Variants in ITPR1 observed in about 807,000 individuals in gnomAD.
ITPR1 encodes inositol 1,4,5-trisphosphate-gated calcium channel ITPR1.
Under a neutral mutation model 318.4 loss-of-function variants are expected in ITPR1, and 96 were observed. The ratio of observed to expected loss-of-function variants is 0.30; its 90% CI spans 0.26 to 0.36. The LOEUF is 0.36. ITPR1 is among the 10% of genes least tolerant of loss of function. ITPR1 has a pLI of 1.00. For synonymous variants in ITPR1, 1,312 were observed against 1,289.9 expected (o/e 1.02, Z -0.37); for missense variants, 2,440 against 3,460.2 (o/e 0.71, Z 7.40).
intron 4 of ITPR1, among the ~76,000 whole-genome samples, chr3:4,596,522 T>C (rs2090837336): frequency 6.6e-6 from 1 of 152,226 alleles, no homozygotes; most frequent in Non-Finnish European, 1.5e-5. Flanking sequence ...TCAAAAGGCT[T>C]AGCAACTGGT....
chr3:4,720,878 T>C (rs2042103430), intron 40 of ITPR1, among the ~76,000 whole-genome samples: 1 of 152,102 alleles, frequency 6.6e-6, no homozygotes, highest in Non-Finnish European at 1.5e-5. Flanking sequence ...AGGGTGGAGA[T>C]GTCCTACTTT....
intron 39 of ITPR1, among the ~76,000 whole-genome samples, chr3:4,713,000 AC>A (rs1282266764): frequency 1.3e-5 from 2 of 151,992 alleles, no homozygotes; most frequent in African/African-American, 4.8e-5. Context: ...GGAAGTGAAG[AC>A]CCCTGGCAAG....
intron 4 of ITPR1, among the ~76,000 whole-genome samples, chr3:4,525,289 C>G (rs2082889498): frequency 6.6e-6 from 1 of 152,100 alleles, no homozygotes; most frequent in African/African-American, 2.4e-5. Context: ...TAATAGAGTG[C>G]TTAGTACACA....
chr3:4,629,966 G>T (rs991940432), intron 5 of ITPR1, among the ~76,000 whole-genome samples: 1 of 152,182 alleles, frequency 6.6e-6, no homozygotes, highest in South Asian at 2.1e-4. Context: ...GAATAATGAT[G>T]ATTATATCAG....
intron 24 of ITPR1, among the ~76,000 whole-genome samples, chr3:4,679,339 G>A (rs529441444): frequency 2.0e-5 from 3 of 152,308 alleles, no homozygotes; most frequent in East Asian, 1.9e-4. Context: ...TACGGAGGCC[G>A]AGAAGTCCCC....
rs181156040 is a variant in ITPR1, at chr3:4,661,684, A to G, written c.1252-398A>G. Among the ~76,000 whole-genome samples the G allele has an allele frequency of 1.1e-4, 16 of 152,296 alleles. No homozygotes were observed. In the East Asian group the frequency reaches 2.9e-3, roughly 28 times the overall value. On this transcript the variant is annotated intron_variant, in intron 14 of 61. Transcript: ENST00000649015. ...TTACTTCTTTACTGAACATTTTTAGATTTATAGAAAAGTTGAAATAATGGT... is the reference window on the plus strand; with the variant it reads ...TTACTTCTTTACTGAACATTTTTAGGTTTATAGAAAAGTTGAAATAATGGT...
rs1050355334 is a variant in ITPR1 at position 4,516,647 on chromosome 3, CTG to C, written c.92+67_92+68del. On this transcript the variant is annotated intron_variant, in intron 3 of 61. Coordinates refer to ENST00000649015, the MANE Select transcript of ITPR1 (RefSeq NM_001378452.1). ...AAGACATCATAACATCAGCTTAAAA[CTG>C]TGATTTTTCTAACATAAGAACGTCA... 6.6e-5 allele frequency: 66 copies of C among 1,002,758 alleles called. No individual in the cohort carries two copies. In the African/African-American group the frequency reaches 9.4e-4, roughly 14 times the overall value. 62.1% of individuals were successfully genotyped at this position (1,002,758 alleles called of 1,614,324 possible). A position where few individuals can be genotyped will look rare whatever the true frequency, so the allele number is the denominator to read the frequency against.
At chr3:4,773,911 G>T (rs1327965034) in intron 46 of ITPR1, among the ~76,000 whole-genome samples, 1 of 152,222 alleles carries the variant, frequency 6.6e-6, no homozygotes, top group Non-Finnish European at 1.5e-5. Context: ...GGTTAGTTTG[G>T]TGATGAGTCA....
chr3:4,768,905 T>C (rs1575181518), intron 46 of ITPR1, 141 bp downstream of exon 46: 2 of 717,370 alleles, frequency 2.8e-6, no homozygotes, highest in Non-Finnish European at 4.4e-6. Flanking sequence ...TTCCTTTTTC[T>C]TTTTTCTTTT....
chr3:4,824,771 C>T lies in ITPR1; in HGVS notation c.8028+6529C>T, dbSNP rs367736206. Among the ~76,000 whole-genome samples, 274 of 152,268 alleles carry T rather than the reference C, an allele frequency of 1.8e-3. 1 individual carries two copies. Among genetic ancestry groups the T allele is most frequent in the South Asian group, 8.1e-3 (39 of 4,824 alleles). ...GTTAGATGGGGTGTGACTTTCCGAGCTGCTGCCGCCAGCAACCACTGCTCA... is the reference window on the plus strand; with the variant it reads ...GTTAGATGGGGTGTGACTTTCCGAGTTGCTGCCGCCAGCAACCACTGCTCA... On this transcript the variant is annotated intron_variant, in intron 60 of 61. Coordinates refer to ENST00000649015, the MANE Select transcript of ITPR1 (RefSeq NM_001378452.1).
chr3:4,542,289 T>C (rs1268328176), intron 4 of ITPR1, among the ~76,000 whole-genome samples: 3 of 152,222 alleles, frequency 2.0e-5, no homozygotes, highest in African/African-American at 7.2e-5. Flanking sequence ...GTGTGTTTTG[T>C]GATTTTGACT....
chr3:4,587,478 C>T (rs2090025432), intron 4 of ITPR1, among the ~76,000 whole-genome samples: 1 of 152,100 alleles, frequency 6.6e-6, no homozygotes, highest in South Asian at 2.1e-4. Flanking sequence ...ACCACGTTGG[C>T]CAGGATGGTC....
chr3:4,597,559 G>C (rs1418571800), intron 4 of ITPR1, among the ~76,000 whole-genome samples: 1 of 152,128 alleles, frequency 6.6e-6, no homozygotes, highest in East Asian at 1.9e-4. Context: ...ACTTCTGGCT[G>C]GCATCACCGA....
intron 5 of ITPR1, among the ~76,000 whole-genome samples, chr3:4,632,112 G>T (rs1309602651): frequency 1.3e-5 from 2 of 152,190 alleles, no homozygotes; most frequent in Non-Finnish European, 2.9e-5. Flanking sequence ...TCCAGTCACT[G>T]CAGCAATCCA....
intron 49 of ITPR1, among the ~76,000 whole-genome samples, chr3:4,781,857 C>G (rs55750546): frequency 7.2e-5 from 11 of 152,190 alleles, no homozygotes; most frequent in Non-Finnish European, 1.5e-4. Flanking sequence ...GTGGTGGACA[C>G]CTGTAGTTCC....
In ITPR1 at chr3:4,652,160, A is replaced by T; in HGVS notation, c.893A>T (p.Tyr298Phe). ...GACCCATGTCGGGGCGGAGCAGGGT[A>T]TTGGAACAGCCTTTTCCGTTTCAAG... ...QHDPCRGGAG[Y>F]WNSLFRFKHL... Residue 298 changes from tyrosine (Y) to phenylalanine (F), a missense_variant, in exon 11 of 62, where the codon TAT (tyrosine) becomes TTT (phenylalanine). Transcript: ENST00000649015. The T allele has an allele frequency of 6.2e-7, 1 of 1,613,102 alleles. No homozygotes were observed. Among genetic ancestry groups the T allele is most frequent in the South Asian group, 1.1e-5 (1 of 90,644 alleles).
chr3:4,714,028 G>A (rs1033814866), intron 39 of ITPR1, among the ~76,000 whole-genome samples: 3 of 152,216 alleles, frequency 2.0e-5, no homozygotes, highest in Admixed American at 2.0e-4. Flanking sequence ...CTTCAAAAGA[G>A]AGAGAAGGAG....
intron 4 of ITPR1, among the ~76,000 whole-genome samples, chr3:4,540,368 G>A (rs1048617332): frequency 2.0e-5 from 3 of 151,964 alleles, no homozygotes; most frequent in Admixed American, 6.5e-5. Flanking sequence ...TAAATTCTCT[G>A]TCATTATATT....
Position 4,777,221 on chromosome 3 carries a change from A to G in ITPR1, c.6181-43A>G, listed in dbSNP as rs929511894. The G allele has an allele frequency of 3.0e-5, 36 of 1,218,692 alleles. No homozygotes were observed. In the Admixed American group the frequency reaches 3.7e-4, roughly 13 times the overall value. The allele number at this position is 1,218,692 out of a possible 1,614,324, so 75.5% of individuals were successfully genotyped here. ...CCTGTTGGCCTTTGACGTCTGATTT[A>G]TGACCAGCGTTTGTGTGAATGTCTG... On this transcript the variant is annotated intron_variant, in intron 47 of 61. Coordinates refer to ENST00000649015, the MANE Select transcript of ITPR1 (RefSeq NM_001378452.1).
Sources: gnomAD v4.1 joint callset for allele counts (sites outside exome capture counted in the v4.1 genomes callset) on GRCh38, gnomAD v4.1.1 for gene constraint, MANE v1.5 for transcripts, NCBI Gene and HGNC (gene_info 2026-07-23, HGNC 2026-07-21) for gene names.